Variants in PCDHGA8 observed in about 807,000 individuals in gnomAD.
PCDHGA8 encodes protocadherin gamma subfamily A, 8.
In PCDHGA8, 45 loss-of-function variants were observed where a neutral mutation model predicts 59.2. The ratio of observed to expected loss-of-function variants is 0.76; its 90% CI spans 0.60 to 0.98. The LOEUF is 0.98. PCDHGA8 is among the 50% of genes least tolerant of loss of function. The pLI, the probability that PCDHGA8 is intolerant of heterozygous loss-of-function variation, is 0.00. For synonymous variants in PCDHGA8, 531 were observed against 519.0 expected (o/e 1.02, Z -0.32); for missense variants, 1,257 against 1,196.2 (o/e 1.05, Z -0.75).
intron 1 of PCDHGA8, among the ~76,000 whole-genome samples, chr5:141,461,557 C>T (rs2154567400): frequency 6.6e-6 from 1 of 152,122 alleles, no homozygotes; most frequent in East Asian, 1.9e-4. Context: ...CAGATGTGTA[C>T]TTTGCAAAGA....
rs115808055 is a variant in PCDHGA8 at position 141,476,782 on chromosome 5, A to G, written c.2425-18025A>G. Reference sequence around the variant, plus strand: ...TGACGGCGTTGGACGGAGGGACCCCAGCTCTCTCCGCCAGCCTGCCTATTC... The same window carrying G: ...TGACGGCGTTGGACGGAGGGACCCCGGCTCTCTCCGCCAGCCTGCCTATTC... On this transcript the variant is annotated intron_variant, in intron 1 of 3. Transcript: ENST00000398604. This position sits in a 1 kb window ranked among gnomAD's most constrained non-coding sequence, Gnocchi z 7.6. 18,517 of 1,613,566 alleles carry G rather than the reference A, an allele frequency of 0.011. 139 individuals are homozygous for G. Among genetic ancestry groups the G allele is most frequent in the Non-Finnish European group, 0.014 (16,976 of 1,179,996 alleles).
intron 1 of PCDHGA8, among the ~76,000 whole-genome samples, chr5:141,492,409 C>G (rs1367119266): frequency 6.6e-6 from 1 of 152,230 alleles, no homozygotes; most frequent in Non-Finnish European, 1.5e-5. Flanking sequence ...TCCCCTCTGC[C>G]GCTCCCTCCG....
chr5:141,462,959 G>A lies in PCDHGA8; in HGVS notation c.2425-31848G>A, dbSNP rs188938907. 5.1e-3 allele frequency among the ~76,000 whole-genome samples: 776 copies of A among 152,188 alleles called. 5 individuals are homozygous for A. Among genetic ancestry groups the A allele is most frequent in the Non-Finnish European group, 8.2e-3 (557 of 67,994 alleles). On this transcript the variant is annotated intron_variant, in intron 1 of 3. Transcript: ENST00000398604. ...AAGGCTTGTTTTTAAGCTTTGTTAGGACAGGTCTGTAGTAACTTTTGCCTT... is the reference window on the plus strand; with the variant it reads ...AAGGCTTGTTTTTAAGCTTTGTTAGAACAGGTCTGTAGTAACTTTTGCCTT...
chr5:141,466,014 C>T (rs962233749), intron 1 of PCDHGA8, among the ~76,000 whole-genome samples: 75 of 151,848 alleles, frequency 4.9e-4, no homozygotes, highest in African/African-American at 1.2e-3. Flanking sequence ...CCCAGCTACT[C>T]GGGAGGGTGA....
chr5:141,414,855 C>G, intron 1 of PCDHGA8: 1 of 1,614,238 alleles, frequency 6.2e-7, no homozygotes, highest in South Asian at 1.1e-5. Flanking sequence ...TGGACCAGAA[C>G]GACAATGCGC....
chr5:141,429,760 C>A (rs1036499079), intron 1 of PCDHGA8, among the ~76,000 whole-genome samples: 1 of 152,020 alleles, frequency 6.6e-6, no homozygotes, highest in Non-Finnish European at 1.5e-5. Flanking sequence ...AATTTTTTCC[C>A]TATATTTTGA....
chr5:141,505,468 G>A lies in PCDHGA8; in HGVS notation c.2559G>A (p.Leu853=). 1 of 1,614,212 alleles carries A rather than the reference G, an allele frequency of 6.2e-7. No homozygotes were observed. Among genetic ancestry groups the A allele is most frequent in the Non-Finnish European group, 8.5e-7 (1 of 1,180,020 alleles). The change falls in exon 3 of 4, where the codon TTG becomes TTA. Residue 853 remains leucine (L), a synonymous_variant. Coordinates refer to ENST00000398604, the MANE Select transcript of PCDHGA8 (RefSeq NM_032088.2). The stretch of plus-strand genomic sequence containing the variant: ...CAGAGATGCTGCAAGCCATGATCTT[G>A]GCGTCCGCCAGTGGTAAGTGGTGTC... The part of the protein sequence containing the change: ...FDTEMLQAMI[L]ASASEAADGS...
chr5:141,494,898 T>C, intron 2 of PCDHGA8, 33 bp downstream of exon 2: 1 of 1,614,074 alleles, frequency 6.2e-7, no homozygotes, highest in Non-Finnish European at 8.5e-7. Flanking sequence ...CACCCTCTTC[T>C]CTGCGGCATT....
In PCDHGA8 at chr5:141,476,432, G is replaced by T; in HGVS notation, c.2425-18375G>T. 6.2e-7 allele frequency: 1 copy of T among 1,614,116 alleles called. No individual in the cohort carries two copies. The highest frequency in any genetic ancestry group is 8.5e-7 in the Non-Finnish European group (1 of 1,180,028). ...GTGTGGGACACTGCCCTCTTGCACT[G>T]TAACTCTGGAGTTGGTAGTGGAGAA... On this transcript the variant is annotated intron_variant, in intron 1 of 3. Coordinates refer to ENST00000398604, the MANE Select transcript of PCDHGA8 (RefSeq NM_032088.2). The surrounding 1 kb of genome is among the most constrained non-coding windows in gnomAD (Gnocchi z 7.6).
At chr5:141,460,034 C>T (rs1463167810) in intron 1 of PCDHGA8, among the ~76,000 whole-genome samples, 1 of 152,116 alleles carries the variant, frequency 6.6e-6, no homozygotes, top group African/African-American at 2.4e-5. Context: ...GCCGAGACTG[C>T]ACCACTGCAC....
At position 141,487,621 on chromosome 5, in the gene PCDHGA8, A is replaced by G; in HGVS notation, c.2425-7186A>G. The G allele has an allele frequency of 6.2e-7, 1 of 1,614,164 alleles. No individual in the cohort carries two copies. On this transcript the variant is annotated intron_variant, in intron 1 of 3. Transcript: ENST00000398604. This position sits in a 1 kb window ranked among gnomAD's most constrained non-coding sequence, Gnocchi z 5.0. ...ATCTTCTCTATGGGCTAGAGGTGAG[A>G]CCTTTGCAGGCTCAACAAATGCTTG... is the stretch of plus-strand genomic sequence containing the variant.
At chr5:141,398,036 A>C (rs151208588) in intron 1 of PCDHGA8, 2 of 1,478,020 alleles carry the variant, frequency 1.4e-6, no homozygotes, top group African/African-American at 2.8e-5. Context: ...CTGGAACTAA[A>C]GCCCGTTCGG....
At position 141,485,062 on chromosome 5, in the gene PCDHGA8, C is replaced by A; in HGVS notation, c.2425-9745C>A. 1 of 876,340 alleles carries A rather than the reference C, an allele frequency of 1.1e-6. No individual in the cohort carries two copies. Among genetic ancestry groups the A allele is most frequent in the African/African-American group, 1.7e-5 (1 of 59,510 alleles). The allele number at this position is 876,340 out of a possible 1,614,324, so 54.3% of individuals were successfully genotyped here. On this transcript the variant is annotated intron_variant, in intron 1 of 3. Coordinates refer to ENST00000398604, the MANE Select transcript of PCDHGA8 (RefSeq NM_032088.2). This position sits in a 1 kb window ranked among gnomAD's most constrained non-coding sequence, Gnocchi z 5.7. ...CCTTGCGGCGCCGGCCGAACCGCGC[C>A]AGAGCTGGCGCGGGGAAAGGGAGAT...
chr5:141,431,222 C>T lies in PCDHGA8; in HGVS notation c.2424+35985C>T. On this transcript the variant is annotated intron_variant, in intron 1 of 3. Transcript: ENST00000398604. The surrounding 1 kb of genome is among the most constrained non-coding windows in gnomAD (Gnocchi z 4.8). ...AGCCACTGAGATGCGGTTCCCTCTA[C>T]CCCACGCCTGGGATCCGGATATCGG... The T allele has an allele frequency of 6.2e-7, 1 of 1,614,170 alleles. No individual in the cohort carries two copies. Among genetic ancestry groups the T allele is most frequent in the South Asian group, 1.1e-5 (1 of 91,090 alleles).
At chr5:141,439,151 C>T (rs563575567) in intron 1 of PCDHGA8, among the ~76,000 whole-genome samples, 1 of 150,892 alleles carries the variant, frequency 6.6e-6, no homozygotes, top group Admixed American at 6.6e-5. Context: ...TGAGATCACG[C>T]CACTGCACTC....
In PCDHGA8 at chr5:141,415,612, G is replaced by A. The variant is rs745660439; in HGVS notation, c.2424+20375G>A. 12 of 1,612,854 alleles carry A rather than the reference G, an allele frequency of 7.4e-6. No homozygotes were observed. The South Asian group carries it at 1.2e-4, about 16-fold the overall frequency. ...TATAGAGGATACCCCATTGGTTCCA[G>A]TGAGTTTTATTTTCATTTTTACTTT... On this transcript the variant is annotated intron_variant, in intron 1 of 3. Transcript: ENST00000398604.
rs763209018 is a variant in PCDHGA8, at chr5:141,394,476, C to T, written c.1663C>T (p.Gln555Ter). 3.8e-5 allele frequency: 61 copies of T among 1,614,238 alleles called. No homozygotes were observed. Among genetic ancestry groups the T allele is most frequent in the Admixed American group, 1.7e-4 (10 of 60,036 alleles). ...NMSLSLFVLD[Q>*]NDNAPEILYP... Reference sequence around the variant, plus strand: ...GTCACTGAGCCTGTTCGTGCTGGACCAGAATGACAACGCGCCCGAGATCCT... The same window carrying T: ...GTCACTGAGCCTGTTCGTGCTGGACTAGAATGACAACGCGCCCGAGATCCT... The change falls in exon 1 of 4, where the codon CAG becomes TAG. Residue 555 changes from glutamine to a stop codon, truncating the protein, a stop_gained. Coordinates refer to ENST00000398604, the MANE Select transcript of PCDHGA8 (RefSeq NM_032088.2). LOFTEE classifies it high-confidence loss of function.
At position 141,433,401 on chromosome 5, in the gene PCDHGA8, A is replaced by C. The variant is rs181247960; in HGVS notation, c.2424+38164A>C. ...TATCTATCTATCTATCTATCTATCT[A>C]TCTATTACTTTCTTGTACAGACAGG... On this transcript the variant is annotated intron_variant, in intron 1 of 3. Transcript: ENST00000398604. Among the ~76,000 whole-genome samples, 679 of 150,596 alleles carry C rather than the reference A, an allele frequency of 4.5e-3. 8 individuals carry two copies. The highest frequency in any genetic ancestry group is 0.015 in the African/African-American group (630 of 40,956).
At chr5:141,406,198 C>T (rs1363174713) in intron 1 of PCDHGA8, among the ~76,000 whole-genome samples, 1 of 151,806 alleles carries the variant, frequency 6.6e-6, no homozygotes, top group African/African-American at 2.4e-5. Context: ...TCAGCCTTCA[C>T]AGTAGCTAGG....
Sources: gnomAD v4.1 joint callset for allele counts (sites outside exome capture counted in the v4.1 genomes callset) on GRCh38, gnomAD v4.1.1 for gene constraint, Gnocchi (gnomAD v3.1) non-coding constraint, MANE v1.5 for transcripts, NCBI Gene and HGNC (gene_info 2026-07-23, HGNC 2026-07-21) for gene names.